The following CPNE5 variants were observed in gnomAD, a reference collection of about 807,000 sequenced individuals.
CPNE5 encodes the protein copine-5.
Under a neutral mutation model 81.1 loss-of-function variants are expected in CPNE5, and 42 were observed. The observed-to-expected ratio is 0.52, with a 90% confidence interval of 0.40 to 0.67. The LOEUF is 0.67. Ranked by LOEUF, CPNE5 falls within the 30% of genes least tolerant of loss-of-function variation. CPNE5 has a pLI of 0.00. For missense variants in CPNE5, 612 were observed against 815.5 expected, an observed-to-expected ratio of 0.75 and a Z score of 3.04; for synonymous variants, 313 against 321.5, an observed-to-expected ratio of 0.97 and a Z score of 0.28.
intron 1 of CPNE5, among the ~76,000 whole-genome samples, chr6:36,830,664 G>A (rs7747806): frequency 0.025 from 3,767 of 152,282 alleles, 130 homozygotes; most frequent in African/African-American, 0.077. Context: ...CAGGAGCTCT[G>A]GCCTCAGATG....
intron 11 of CPNE5, among the ~76,000 whole-genome samples, chr6:36,763,328 C>T (rs190123209): frequency 6.6e-5 from 10 of 152,264 alleles, no homozygotes; most frequent in East Asian, 3.9e-4. Flanking sequence ...TGTGGCCGGG[C>T]GCGGTGGCTC....
intron 6 of CPNE5, among the ~76,000 whole-genome samples, chr6:36,797,862 G>A (rs1769732741): frequency 6.6e-6 from 1 of 152,056 alleles, no homozygotes; most frequent in South Asian, 2.1e-4. Flanking sequence ...TCCCCTCTCT[G>A]GGCTTCAGTT....
chr6:36,779,510 A>G (rs1245448069), intron 8 of CPNE5, among the ~76,000 whole-genome samples: 3 of 152,164 alleles, frequency 2.0e-5, no homozygotes, highest in African/African-American at 7.2e-5. Context: ...TGGTTCCTGG[A>G]GGAAGTTCGA....
At chr6:36,793,414 C>T (rs1769274906) in intron 7 of CPNE5, among the ~76,000 whole-genome samples, 1 of 152,148 alleles carries the variant, frequency 6.6e-6, no homozygotes, top group African/African-American at 2.4e-5. Flanking sequence ...CCTCCCCACC[C>T]GCTGGTCTGG....
At chr6:36,823,226 C>T (rs796527422) in intron 1 of CPNE5, 128 bp from the exon 2 acceptor site, 3 of 659,744 alleles carry the variant, frequency 4.5e-6, no homozygotes, top group Admixed American at 6.7e-5. Flanking sequence ...GTTCCACAAT[C>T]GTTTATTAGG....
chr6:36,783,549 G>A (rs535929187), intron 8 of CPNE5, among the ~76,000 whole-genome samples: 3 of 151,654 alleles, frequency 2.0e-5, no homozygotes, highest in South Asian at 4.2e-4. Context: ...TGTCACCCAC[G>A]CTGGAGTGCT....
intron 18 of CPNE5, 200 bp from the exon 19 acceptor site, chr6:36,744,525 G>T: frequency 3.3e-6 from 2 of 599,774 alleles, no homozygotes; most frequent in East Asian, 2.8e-5. Context: ...ACCAGGCTGC[G>T]CCTGGAGGAG....
intron 1 of CPNE5, among the ~76,000 whole-genome samples, chr6:36,823,671 G>A (rs1044441965): frequency 3.3e-5 from 5 of 152,128 alleles, no homozygotes; most frequent in Non-Finnish European, 5.9e-5. Flanking sequence ...CAGACTGGAC[G>A]GCACAGCAGC....
intron 10 of CPNE5, among the ~76,000 whole-genome samples, chr6:36,769,574 G>T (rs1766875758): frequency 6.6e-6 from 1 of 152,250 alleles, no homozygotes; most frequent in Non-Finnish European, 1.5e-5. Context: ...GCCCTGAGGG[G>T]TTTTGCCTTA....
At position 36,751,508 on chromosome 6, in the gene CPNE5, G is replaced by A. The variant is rs116164533; in HGVS notation, c.971+1526C>T. 4.2e-3 allele frequency among the ~76,000 whole-genome samples: 640 copies of A among 152,336 alleles called. 5 individuals carry two copies. Among genetic ancestry groups the A allele is most frequent in the Non-Finnish European group, 6.4e-3 (437 of 68,028 alleles). ...GCAAATGAAAAAAATAAATAGGATG[G>A]ACTGGGTGTGGTGGCTCATGCCTGT... On this transcript the variant is annotated intron_variant, in intron 14 of 20. Transcript: ENST00000244751.
intron 3 of CPNE5, among the ~76,000 whole-genome samples, chr6:36,813,574 T>A (rs913160496): frequency 1.3e-5 from 2 of 152,162 alleles, no homozygotes; most frequent in Non-Finnish European, 2.9e-5. Context: ...GCATCACACT[T>A]AGATCAGTAT....
intron 4 of CPNE5, among the ~76,000 whole-genome samples, chr6:36,799,670 T>G (rs1769931413): frequency 6.6e-6 from 1 of 151,956 alleles, no homozygotes; most frequent in African/African-American, 2.4e-5. Flanking sequence ...CAGCCAAGAG[T>G]TGCCTTCAGG....
chr6:36,826,681 C>A (rs1583032783), intron 1 of CPNE5, among the ~76,000 whole-genome samples: 1 of 152,164 alleles, frequency 6.6e-6, no homozygotes, highest in Admixed American at 6.5e-5. Flanking sequence ...AGTGGCCTGG[C>A]AAGCTGGATG....
chr6:36,811,079 C>T (rs184365638), intron 3 of CPNE5, among the ~76,000 whole-genome samples: 7 of 152,298 alleles, frequency 4.6e-5, no homozygotes, highest in South Asian at 2.1e-4. Context: ...CCCAGCTCCT[C>T]GGGGAACGGG....
chr6:36,818,844 T>A (rs571174530), intron 3 of CPNE5, among the ~76,000 whole-genome samples: 1 of 152,330 alleles, frequency 6.6e-6, no homozygotes, highest in African/African-American at 2.4e-5. Flanking sequence ...AATTACAGAA[T>A]GTAATTAATG....
Position 36,756,974 on chromosome 6 carries a change from G to A in CPNE5, c.856-676C>T, listed in dbSNP as rs569668332. ...CCAGGAACGTTTGGTAACATCTGGA[G>A]ACGGTTTTGGTTTCCACAACTGAGG... is the stretch of plus-strand genomic sequence containing the variant. On this transcript the variant is annotated intron_variant, in intron 12 of 20. Coordinates refer to ENST00000244751, the MANE Select transcript of CPNE5 (RefSeq NM_020939.2). Among the ~76,000 whole-genome samples, 5 of 152,296 alleles carry A rather than the reference G, an allele frequency of 3.3e-5. No homozygotes were observed. In the East Asian group the frequency reaches 9.6e-4, roughly 29 times the overall value.
intron 3 of CPNE5, among the ~76,000 whole-genome samples, chr6:36,818,604 G>A (rs1583003496): frequency 6.6e-6 from 1 of 152,178 alleles, no homozygotes; most frequent in East Asian, 1.9e-4. Context: ...CTCACCGCAG[G>A]CCTATAAGGT....
chr6:36,835,800 G>A (rs113753166), intron 1 of CPNE5, among the ~76,000 whole-genome samples: 24 of 146,154 alleles, frequency 1.6e-4, no homozygotes, highest in African/African-American at 4.4e-4. Context: ...CAAAAACTCC[G>A]TCTCAAAAAA....
intron 14 of CPNE5, among the ~76,000 whole-genome samples, chr6:36,751,489 GA>G (rs1380968151): frequency 2.0e-5 from 3 of 152,092 alleles, no homozygotes; most frequent in African/African-American, 4.8e-5. Context: ...CTATGCAAAT[GA>G]AAAAAATAAA....
Sources: gnomAD v4.1 joint callset for allele counts (sites outside exome capture counted in the v4.1 genomes callset) on GRCh38, gnomAD v4.1.1 for gene constraint, MANE v1.5 for transcripts, NCBI Gene and HGNC (gene_info 2026-07-23, HGNC 2026-07-21) for gene names.